The following GATAD2A variants were observed in gnomAD, a reference collection of about 807,000 sequenced individuals.
GATAD2A encodes GATA zinc finger domain containing 2A, also known as transcriptional repressor p66-alpha.
A neutral mutation model predicts 68.5 loss-of-function variants in GATAD2A; 12 were observed. That is an observed-to-expected ratio of 0.18 (90% CI 0.11 to 0.28). The LOEUF is 0.28. GATAD2A is among the 10% of genes least tolerant of loss of function. The probability of loss-of-function intolerance (pLI) is 1.00; values close to 1 mark genes in which losing one functional copy is unlikely to be tolerated. For missense variants in GATAD2A, 755 were observed against 868.5 expected, an observed-to-expected ratio of 0.87 and a Z score of 1.64; for synonymous variants, 410 against 375.3, an observed-to-expected ratio of 1.09 and a Z score of -1.07.
upstream of GATAD2A, among the ~76,000 whole-genome samples, chr19:19,402,757 T>TG (rs1468306804): frequency 1.2e-4 from 18 of 148,656 alleles, no homozygotes; most frequent in African/African-American, 2.5e-4. Context: ...GGTTTTTTTT[T>TG]TTTGTTTTTG....
chr19:19,484,518 CTT>C lies in GATAD2A; in HGVS notation c.270-7776_270-7775del, dbSNP rs58628123. On this transcript the variant is annotated intron_variant, in intron 2 of 11. Coordinates refer to ENST00000683918, the MANE Select transcript of GATAD2A (RefSeq NM_001384528.1). Reference sequence around the variant, plus strand: ...TCTCTGTCACAGGATTTTTCTTTTTCTTTTTTTTTTTTTCTTTTTTTTTTTTT... The same window carrying C: ...TCTCTGTCACAGGATTTTTCTTTTTCTTTTTTTTTTTCTTTTTTTTTTTTT... 8.3e-3 allele frequency among the ~76,000 whole-genome samples: 951 copies of C among 114,438 alleles called. 11 individuals are homozygous for C. The highest frequency in any genetic ancestry group is 0.046 in the South Asian group (166 of 3,636). The allele number at this position is 114,438 out of a possible 152,430, so 75.1% of individuals were successfully genotyped here. A position where few individuals can be genotyped will look rare whatever the true frequency, so the allele number is the denominator to read the frequency against.
At chr19:19,484,527 T>C (rs1180639240) in intron 2 of GATAD2A, among the ~76,000 whole-genome samples, 6 of 146,990 alleles carry the variant, frequency 4.1e-5, no homozygotes, top group Admixed American at 2.0e-4. Context: ...TCTTTTTTTT[T>C]TTTTCTTTTT....
intron 1 of GATAD2A, among the ~76,000 whole-genome samples, chr19:19,443,344 G>A (rs766770515): frequency 6.6e-6 from 1 of 152,118 alleles, no homozygotes; most frequent in Non-Finnish European, 1.5e-5. Flanking sequence ...TACGCCACAG[G>A]GACGCCATTT....
chr19:19,501,853 C>A, intron 9 of GATAD2A, 116 bp from the exon 10 acceptor site: 1 of 740,418 alleles, frequency 1.4e-6, no homozygotes, highest in Non-Finnish European at 2.3e-6. Flanking sequence ...TCTCAAGATC[C>A]CCACTTGGCG....
At chr19:19,397,999 G>A (rs2049396191) in intron 1 of GATAD2A, among the ~76,000 whole-genome samples, 1 of 152,068 alleles carries the variant, frequency 6.6e-6, no homozygotes, top group Non-Finnish European at 1.5e-5. Flanking sequence ...CGCCTTCTGG[G>A]TTCAAGCAAT....
chr19:19,492,590 C>G lies in GATAD2A; in HGVS notation c.412C>G (p.Pro138Ala), dbSNP rs1408052964. ...TSTEALMKSS[P>A]EERERMIKQL... ...CCTCTCGCCCCTGCAGAAAAGCAGT[C>G]CTGAAGAACGAGAAAGGATGATCAA... Residue 138 changes from proline to alanine, a missense_variant, in exon 4 of 12, where the codon CCT becomes GCT. Coordinates refer to ENST00000683918, the MANE Select transcript of GATAD2A (RefSeq NM_001384528.1). 1.9e-6 allele frequency: 3 copies of G among 1,614,200 alleles called. No homozygotes were observed. The highest frequency in any genetic ancestry group is 2.5e-6 in the Non-Finnish European group (3 of 1,180,034).
chr19:19,406,633 C>T (rs1305417506), intron 1 of GATAD2A, among the ~76,000 whole-genome samples: 3 of 152,232 alleles, frequency 2.0e-5, no homozygotes, highest in Non-Finnish European at 2.9e-5. Context: ...TTAAATTTGC[C>T]TCCCCATCTA....
At chr19:19,504,158 A>AT (rs1875340034) in intron 11 of GATAD2A, among the ~76,000 whole-genome samples, 1 of 152,188 alleles carries the variant, frequency 6.6e-6, no homozygotes, top group South Asian at 2.1e-4. Context: ...GTGAGCACTG[A>AT]TTGTGCCACT....
intron 2 of GATAD2A, among the ~76,000 whole-genome samples, chr19:19,482,013 G>A (rs563978785): frequency 4.9e-4 from 75 of 152,264 alleles, no homozygotes; most frequent in Admixed American, 1.3e-3. Flanking sequence ...AGGCTGAGGT[G>A]GGAGGATCGC....
intron 1 of GATAD2A, among the ~76,000 whole-genome samples, chr19:19,394,572 AG>A (rs1049191056): frequency 1.3e-5 from 2 of 150,682 alleles, no homozygotes; most frequent in African/African-American, 4.9e-5. Flanking sequence ...CAGCCTCCTG[AG>A]TAGCTGGGAT....
At chr19:19,437,628 A>T (rs1202918288) in intron 1 of GATAD2A, among the ~76,000 whole-genome samples, 3 of 152,020 alleles carry the variant, frequency 2.0e-5, no homozygotes, top group African/African-American at 7.3e-5. Context: ...CCTCTAATCT[A>T]CTTTCTGTTG....
At chr19:19,437,349 T>G (rs1045200383) in intron 1 of GATAD2A, among the ~76,000 whole-genome samples, 1 of 152,170 alleles carries the variant, frequency 6.6e-6, no homozygotes, top group African/African-American at 2.4e-5. Flanking sequence ...AAGCTGGTCT[T>G]GAACTCTTGG....
At chr19:19,457,996 G>A (rs752603557) in intron 1 of GATAD2A, among the ~76,000 whole-genome samples, 2 of 152,184 alleles carry the variant, frequency 1.3e-5, no homozygotes, top group African/African-American at 2.4e-5. Context: ...ACCACTGCAG[G>A]GAGACGATCT....
intron 1 of GATAD2A, among the ~76,000 whole-genome samples, chr19:19,430,061 A>C (rs1261719005): frequency 6.6e-6 from 1 of 152,030 alleles, no homozygotes; most frequent in African/African-American, 2.4e-5. Context: ...TCCCCCTTCA[A>C]ATCTCAGTAT....
chr19:19,470,464 A>G (rs933485482), intron 2 of GATAD2A, among the ~76,000 whole-genome samples: 9 of 152,326 alleles, frequency 5.9e-5, no homozygotes, highest in Admixed American at 5.2e-4. Context: ...TCAGGAAGAC[A>G]TAACAGTCAG....
chr19:19,474,830 C>G (rs1475285356), intron 2 of GATAD2A, among the ~76,000 whole-genome samples: 1 of 152,202 alleles, frequency 6.6e-6, no homozygotes, highest in Non-Finnish European at 1.5e-5. Context: ...AGCATACCGT[C>G]TTCACTTGTT....
chr19:19,495,995 C>T (rs2060125961), intron 6 of GATAD2A, 57 bp from the exon 7 acceptor site: 3 of 1,590,600 alleles, frequency 1.9e-6, no homozygotes, highest in Non-Finnish European at 2.6e-6. Flanking sequence ...GCCTTCCGGT[C>T]CCGCTCCATT....
intron 2 of GATAD2A, among the ~76,000 whole-genome samples, chr19:19,476,378 G>T (rs1212444909): frequency 6.6e-6 from 1 of 152,142 alleles, no homozygotes; most frequent in African/African-American, 2.4e-5. Context: ...TGTCTTATTT[G>T]TCACTCACTG....
At chr19:19,428,441 G>T (rs910825796) in intron 1 of GATAD2A, among the ~76,000 whole-genome samples, 2 of 152,216 alleles carry the variant, frequency 1.3e-5, no homozygotes, top group African/African-American at 2.4e-5. Flanking sequence ...GAAGCTGCCT[G>T]GTGCCAGGGC....
Sources: allele counts gnomAD v4.1 joint callset (sites outside exome capture counted in the v4.1 genomes callset), GRCh38; gene constraint gnomAD v4.1.1; transcripts MANE v1.5; gene names NCBI Gene and HGNC (gene_info 2026-07-23, HGNC 2026-07-21).